The following SRGAP3 variants were observed in gnomAD, a reference collection of about 807,000 sequenced individuals.
The protein encoded by SRGAP3 is SLIT-ROBO Rho GTPase-activating protein 3.
SRGAP3 carries 39 observed loss-of-function variants against 121.1 expected under a neutral mutation model. The observed-to-expected ratio is 0.32, with a 90% CI of 0.25 to 0.42. The LOEUF (loss-of-function observed/expected upper bound fraction) is 0.42, where lower values mean the gene tolerates loss of function less well. Among genes scored for constraint, SRGAP3 ranks in the 10% least tolerant of loss-of-function variants. The pLI is 1.00. For missense variants in SRGAP3, 1,213 were observed against 1,470.6 expected, an observed-to-expected ratio of 0.82 and a Z score of 2.86; for synonymous variants, 601 against 570.0, an observed-to-expected ratio of 1.05 and a Z score of -0.77.
intron 7 of SRGAP3, 49 bp downstream of exon 7, chr3:9,058,202 G>T: frequency 6.3e-7 from 1 of 1,589,156 alleles, no homozygotes; most frequent in Non-Finnish European, 8.6e-7. Context: ...GAGCACATGG[G>T]GGAACAGAGG....
Position 8,981,780 on chromosome 3 carries a change from C to T in SRGAP3, c.*3739G>A, listed in dbSNP as rs564958341. ...TGGCTCAATTTCCCTGTGTCTCTTC[C>T]CACTCCGATTTCTTCATTGAATAGA... On this transcript the variant is annotated 3_prime_UTR_variant, in exon 22 of 22. Transcript: ENST00000383836. 27 of 229,624 alleles carry T rather than the reference C, an allele frequency of 1.2e-4. No individual in the cohort carries two copies. Among genetic ancestry groups the T allele is most frequent in the Non-Finnish European group, 2.1e-4 (24 of 115,676 alleles). The allele number at this position is 229,624 out of a possible 1,614,324, so 14.2% of individuals were successfully genotyped here.
chr3:9,157,755 C>A (rs1441478868), intron 1 of SRGAP3, among the ~76,000 whole-genome samples: 2 of 152,166 alleles, frequency 1.3e-5, no homozygotes, highest in Non-Finnish European at 2.9e-5. Context: ...GAAACCCAGG[C>A]TAAACAGTTG....
In SRGAP3 at chr3:9,060,921, G is replaced by A. The variant is rs370976464; in HGVS notation, c.673-562C>T. Among the ~76,000 whole-genome samples, 14 of 152,212 alleles carry A rather than the reference G, an allele frequency of 9.2e-5. No homozygotes were observed. The East Asian group carries it at 1.2e-3, about 13-fold the overall frequency. On this transcript the variant is annotated intron_variant, in intron 5 of 21. Transcript: ENST00000383836. ...CACTAGATGAGCAGCAGCCTCTGAC[G>A]GTCCTTGCTAGGGTGGGGTGTAAAT...
intron 9 of SRGAP3, 138 bp downstream of exon 9, chr3:9,052,889 T>G: frequency 9.4e-7 from 1 of 1,062,558 alleles, no homozygotes; most frequent in Admixed American, 2.2e-5. Context: ...CAACTTAATT[T>G]TAAAAGCATG....
At chr3:9,178,604 T>C (rs1182369129) in intron 1 of SRGAP3, among the ~76,000 whole-genome samples, 1 of 152,148 alleles carries the variant, frequency 6.6e-6, no homozygotes, top group Non-Finnish European at 1.5e-5. Flanking sequence ...GAATCAATCA[T>C]CCAACTTCAC....
At chr3:9,142,020 T>C (rs1038701271) in intron 1 of SRGAP3, among the ~76,000 whole-genome samples, 2 of 152,324 alleles carry the variant, frequency 1.3e-5, no homozygotes, top group Non-Finnish European at 2.9e-5. Context: ...AATATGCACA[T>C]ACCCTCGATC....
Position 9,025,307 on chromosome 3 carries a change from T to G in SRGAP3, c.1632A>C (p.Pro544=). The part of the protein sequence containing the change: ...GLQQQGIFRV[P]GSQVEVNDIK... ...TGTCATTGACTTCCACCTGAGATCC[T>G]GGCACTCTGAAGATCCCCTGCTGCT... The change falls in exon 14 of 22, where the codon CCA becomes CCC. Residue 544 remains proline (P), a synonymous_variant. Coordinates refer to ENST00000383836, the MANE Select transcript of SRGAP3 (RefSeq NM_014850.4). 2 of 1,614,218 alleles carry G rather than the reference T, an allele frequency of 1.2e-6. No individual in the cohort carries two copies. The highest frequency in any genetic ancestry group is 1.7e-6 in the Non-Finnish European group (2 of 1,180,036).
At chr3:9,068,366 C>T (rs1409304497) in intron 4 of SRGAP3, among the ~76,000 whole-genome samples, 1 of 152,138 alleles carries the variant, frequency 6.6e-6, no homozygotes, top group Non-Finnish European at 1.5e-5. Context: ...TCTCCCTTTA[C>T]ATCATTTTCT....
intron 5 of SRGAP3, among the ~76,000 whole-genome samples, chr3:9,062,379 GTAGTCCTATCATTCCCTGC>G (rs35381559): frequency 0.21 from 32,413 of 151,922 alleles, 4,056 homozygotes; most frequent in Non-Finnish European, 0.29. Flanking sequence ...TCCCTATGTT[GTAGTCCTATCATTCCCTGC>G]TTGGTTATTT....
At chr3:9,067,988 C>T (rs556223748) in intron 4 of SRGAP3, among the ~76,000 whole-genome samples, 2 of 152,242 alleles carry the variant, frequency 1.3e-5, no homozygotes, top group Admixed American at 6.5e-5. Context: ...TGTGAGAACG[C>T]CTGCTGCGGC....
intron 1 of SRGAP3, among the ~76,000 whole-genome samples, chr3:9,206,604 G>C (rs2125168650): frequency 6.6e-6 from 1 of 152,138 alleles, no homozygotes; most frequent in East Asian, 1.9e-4. Context: ...TCTTAAACCT[G>C]CTAAAAATGC....
rs536868457 is a variant in SRGAP3 at position 9,118,986 on chromosome 3, C to A, written c.260+5739G>T. On this transcript the variant is annotated intron_variant, in intron 2 of 21. Coordinates refer to ENST00000383836, the MANE Select transcript of SRGAP3 (RefSeq NM_014850.4). The stretch of plus-strand genomic sequence containing the variant: ...ATCACTTGCCTTTCATTCATTAGTT[C>A]ATTAATCAATGACATTCAGTAACAA... 5.1e-4 allele frequency among the ~76,000 whole-genome samples: 78 copies of A among 152,322 alleles called. 1 individual carries two copies. The highest frequency in any genetic ancestry group is 3.4e-3 in the Middle Eastern group (1 of 294).
chr3:9,096,975 A>ATATATATATAATGTAAAAAATATATAAT (rs1948006124), intron 3 of SRGAP3, among the ~76,000 whole-genome samples: 1 of 98,648 alleles, frequency 1.0e-5, no homozygotes, highest in Non-Finnish European at 2.0e-5. Context: ...ATATATATAT[A>ATATATATATAATGTAAAAAATATATAAT]TATATACACA....
chr3:9,187,777 G>A (rs1019641012), intron 1 of SRGAP3, among the ~76,000 whole-genome samples: 7 of 152,060 alleles, frequency 4.6e-5, no homozygotes, highest in Admixed American at 6.6e-5. Context: ...TCATTTCACC[G>A]AACGCTCGCT....
intron 3 of SRGAP3, among the ~76,000 whole-genome samples, chr3:9,320,143 C>G (rs1161107163): frequency 6.6e-6 from 1 of 151,930 alleles, no homozygotes; most frequent in African/African-American, 2.4e-5. Flanking sequence ...AAAGAGGAGA[C>G]ATGGCCCTCT....
chr3:9,064,908 G>T (rs889989244), intron 4 of SRGAP3, among the ~76,000 whole-genome samples: 3 of 151,312 alleles, frequency 2.0e-5, no homozygotes, highest in African/African-American at 7.3e-5. Flanking sequence ...ATTTAAAAGG[G>T]TAACCGTAGC....
At chr3:9,148,375 GGAAAA>G (rs1288637508) in intron 1 of SRGAP3, among the ~76,000 whole-genome samples, 1 of 152,214 alleles carries the variant, frequency 6.6e-6, no homozygotes, top group Non-Finnish European at 1.5e-5. Context: ...GTGTCATGCA[GGAAAA>G]GAACATCTAG....
chr3:9,194,470 T>A (rs932004927), intron 1 of SRGAP3: 1 of 152,204 alleles, frequency 6.6e-6, no homozygotes, highest in Non-Finnish European at 1.5e-5. Context: ...AGTCTCTAAG[T>A]CTGGAGATTA....
At chr3:9,136,148 C>A (rs1369860810) in intron 1 of SRGAP3, among the ~76,000 whole-genome samples, 2 of 152,222 alleles carry the variant, frequency 1.3e-5, no homozygotes, top group Admixed American at 1.3e-4. Context: ...CTTCCCCGCC[C>A]GCCCTCCTCG....
Sources: allele counts gnomAD v4.1 joint callset (sites outside exome capture counted in the v4.1 genomes callset), GRCh38; gene constraint gnomAD v4.1.1; transcripts MANE v1.5; gene names NCBI Gene and HGNC (gene_info 2026-07-23, HGNC 2026-07-21).